The following ZNF385B variants were observed in gnomAD, a reference collection of about 807,000 sequenced individuals.
ZNF385B encodes the protein zinc finger protein 533.
In ZNF385B, 23 loss-of-function variants were observed where a neutral mutation model predicts 39.2. The ratio of observed to expected loss-of-function variants is 0.59; its 90% CI spans 0.42 to 0.83. The LOEUF (loss-of-function observed/expected upper bound fraction) is 0.83, where lower values mean the gene tolerates loss of function less well. ZNF385B is among the 40% of genes least tolerant of loss of function. The pLI is 0.00. For synonymous variants in ZNF385B, 205 were observed against 222.6 expected (o/e 0.92, Z 0.70); for missense variants, 552 against 598.9 (o/e 0.92, Z 0.82).
chr2:179,518,087 T>C (rs2058215200), intron 5 of ZNF385B, among the ~76,000 whole-genome samples: 1 of 152,164 alleles, frequency 6.6e-6, no homozygotes, highest in African/African-American at 2.4e-5. Flanking sequence ...TTTTTTCATA[T>C]TTTCTGATAT....
chr2:179,699,760 G>A (rs191766652), intron 3 of ZNF385B, among the ~76,000 whole-genome samples: 98 of 152,216 alleles, frequency 6.4e-4, no homozygotes, highest in African/African-American at 2.2e-3. Flanking sequence ...TCCATATCAC[G>A]TATCCTCTGT....
chr2:179,608,693 A>G (rs1689027715), intron 3 of ZNF385B, among the ~76,000 whole-genome samples: 1 of 152,160 alleles, frequency 6.6e-6, no homozygotes, highest in Non-Finnish European at 1.5e-5. Context: ...ATTCTGTTTC[A>G]GGACATCTGG....
chr2:179,635,434 A>G lies in ZNF385B; in HGVS notation c.299-90465T>C, dbSNP rs976714345. Among the ~76,000 whole-genome samples, 6 of 151,908 alleles carry G rather than the reference A, an allele frequency of 3.9e-5. 1 individual carries two copies. The highest frequency in any genetic ancestry group is 6.6e-5 in the Admixed American group (1 of 15,240). Reference sequence around the variant, plus strand: ...GCATTAGGAGAAATACCTAATGTGAATGATGAATTGATGGGTGCAGCAAAC... The same window carrying G: ...GCATTAGGAGAAATACCTAATGTGAGTGATGAATTGATGGGTGCAGCAAAC... On this transcript the variant is annotated intron_variant, in intron 3 of 9. Transcript: ENST00000410066.
intron 3 of ZNF385B, among the ~76,000 whole-genome samples, chr2:179,720,019 A>G (rs1007242078): frequency 2.6e-5 from 4 of 152,214 alleles, no homozygotes; most frequent in African/African-American, 9.6e-5. Flanking sequence ...CTTTCAGTCC[A>G]AATCAGGAGT....
At chr2:179,523,175 C>T (rs2058629656) in intron 4 of ZNF385B, among the ~76,000 whole-genome samples, 1 of 152,036 alleles carries the variant, frequency 6.6e-6, no homozygotes, top group Non-Finnish European at 1.5e-5. Flanking sequence ...TTACCAGGAA[C>T]TGAGGAGGTA....
At chr2:179,767,984 C>T (rs1703803701) in intron 3 of ZNF385B, among the ~76,000 whole-genome samples, 1 of 150,222 alleles carries the variant, frequency 6.7e-6, no homozygotes, top group Non-Finnish European at 1.5e-5. Context: ...GAGTCTCGCT[C>T]TATTGCTCAG....
intron 3 of ZNF385B, among the ~76,000 whole-genome samples, chr2:179,718,829 T>TAAAA: frequency 6.9e-6 from 1 of 144,826 alleles, no homozygotes. Flanking sequence ...CTGTATCTAT[T>TAAAA]AAAAAAAAAA....
chr2:179,795,012 A>G (rs1371660366), intron 1 of ZNF385B, among the ~76,000 whole-genome samples: 1 of 152,174 alleles, frequency 6.6e-6, no homozygotes, highest in Non-Finnish European at 1.5e-5. Flanking sequence ...GAGAACAGTA[A>G]TATGTCTTGC....
chr2:179,559,537 T>C (rs1184001332), intron 3 of ZNF385B, among the ~76,000 whole-genome samples: 1 of 152,184 alleles, frequency 6.6e-6, no homozygotes, highest in Non-Finnish European at 1.5e-5. Context: ...ATGTTACTCT[T>C]GTACTATTAT....
chr2:179,458,226 G>A (rs2050915493), intron 6 of ZNF385B, among the ~76,000 whole-genome samples: 1 of 152,134 alleles, frequency 6.6e-6, no homozygotes. Flanking sequence ...AATCACGTGG[G>A]CAGGTCTTTC....
At chr2:179,845,357 G>A (rs1005034147) in intron 1 of ZNF385B, among the ~76,000 whole-genome samples, 2 of 152,152 alleles carry the variant, frequency 1.3e-5, no homozygotes, top group African/African-American at 4.8e-5. Flanking sequence ...ATACAATGTG[G>A]CATAATATAA....
chr2:179,802,243 C>T (rs1706079817), intron 1 of ZNF385B, among the ~76,000 whole-genome samples: 1 of 152,136 alleles, frequency 6.6e-6, no homozygotes, highest in Admixed American at 6.6e-5. Context: ...CCTCTTCACA[C>T]TCTTCCTTAT....
rs982846672 is a variant in ZNF385B, at chr2:179,540,079, C to T, written c.441+4748G>A. Among the ~76,000 whole-genome samples, 4 of 152,174 alleles carry T rather than the reference C, an allele frequency of 2.6e-5. No individual in the cohort carries two copies. The South Asian group carries it at 8.3e-4, about 32-fold the overall frequency. On this transcript the variant is annotated intron_variant, in intron 4 of 9. Coordinates refer to ENST00000410066, the MANE Select transcript of ZNF385B (RefSeq NM_152520.6). ...TAGTAAATACTTGCCAATATTCATA[C>T]ACCAGCCAAACAGAGAGAGCTGGGC...
At chr2:179,718,505 T>TTATATATTA (rs1279607294) in intron 3 of ZNF385B, among the ~76,000 whole-genome samples, 1 of 147,904 alleles carries the variant, frequency 6.8e-6, no homozygotes, top group Non-Finnish European at 1.5e-5. Context: ...TATATAATCA[T>TTATATATTA]TATATATTAT....
intron 6 of ZNF385B, among the ~76,000 whole-genome samples, chr2:179,464,571 A>G (rs1353700767): frequency 1.3e-5 from 2 of 152,178 alleles, no homozygotes; most frequent in African/African-American, 4.8e-5. Flanking sequence ...GCATATGGCT[A>G]GCCAGTTTTC....
At chr2:179,807,092 TAAAC>T (rs1706399441) in intron 1 of ZNF385B, among the ~76,000 whole-genome samples, 2 of 152,248 alleles carry the variant, frequency 1.3e-5, no homozygotes, top group Admixed American at 6.5e-5. Flanking sequence ...GCCAAGGAAA[TAAAC>T]AGAGAAATGT....
chr2:179,609,254 A>G (rs2106126711), intron 3 of ZNF385B, among the ~76,000 whole-genome samples: 1 of 151,988 alleles, frequency 6.6e-6, no homozygotes, highest in African/African-American at 2.4e-5. Context: ...ACCACTCATC[A>G]TTCTACTCTC....
intron 3 of ZNF385B, among the ~76,000 whole-genome samples, chr2:179,613,378 A>G (rs1332951781): frequency 6.6e-6 from 1 of 152,090 alleles, no homozygotes; most frequent in Non-Finnish European, 1.5e-5. Context: ...GTCTCACCCA[A>G]GGCCCATCTC....
chr2:179,744,669 G>T (rs1183611628), intron 3 of ZNF385B, among the ~76,000 whole-genome samples: 2 of 152,082 alleles, frequency 1.3e-5, no homozygotes, highest in Admixed American at 1.3e-4. Flanking sequence ...TAAAACAGCT[G>T]CCTCAAATAA....
Sources: allele counts gnomAD v4.1 joint callset (sites outside exome capture counted in the v4.1 genomes callset), GRCh38; gene constraint gnomAD v4.1.1; transcripts MANE v1.5; gene names NCBI Gene and HGNC (gene_info 2026-07-23, HGNC 2026-07-21).